The following PABPC4L variants were observed in gnomAD, a reference collection of about 807,000 sequenced individuals.
The protein encoded by PABPC4L is polyadenylate-binding protein 4-like.
For missense variants in PABPC4L, 452 were observed against 451.4 expected, an observed-to-expected ratio of 1.00 and a Z score of -0.01; for synonymous variants, 169 against 164.1, an observed-to-expected ratio of 1.03 and a Z score of -0.23.
chr4:134,085,406 G>A, the PABPC4L span, among the ~76,000 whole-genome samples: 2 of 151,892 alleles, frequency 1.3e-5, no homozygotes, highest in Non-Finnish European at 2.9e-5. Flanking sequence ...TATACATTCT[G>A]TATTATAAAT....
the PABPC4L span, among the ~76,000 whole-genome samples, chr4:134,067,669 T>G: frequency 6.6e-6 from 1 of 152,164 alleles, no homozygotes; most frequent in Admixed American, 6.5e-5. Flanking sequence ...CATTAAGTGC[T>G]ACAAATTTCC....
the PABPC4L span, among the ~76,000 whole-genome samples, chr4:134,090,460 C>A: frequency 6.6e-6 from 1 of 151,910 alleles, no homozygotes; most frequent in Admixed American, 6.6e-5. Context: ...AGTCTCAGCA[C>A]TATTCATTAA....
At chr4:134,014,210 C>G in the PABPC4L span, among the ~76,000 whole-genome samples, 1 of 152,054 alleles carries the variant, frequency 6.6e-6, no homozygotes, top group Non-Finnish European at 1.5e-5. Flanking sequence ...AATAAAACTC[C>G]AAAAATTAAA....
the PABPC4L span, among the ~76,000 whole-genome samples, chr4:134,061,023 G>A: frequency 6.6e-6 from 1 of 151,954 alleles, no homozygotes; most frequent in Admixed American, 6.6e-5. Flanking sequence ...GCAAAAGAGG[G>A]TGACTATAGT....
the PABPC4L span, among the ~76,000 whole-genome samples, chr4:134,149,413 T>G: frequency 1.3e-5 from 2 of 152,172 alleles, no homozygotes; most frequent in African/African-American, 2.4e-5. Context: ...GTCTAGCACA[T>G]TGATTTATTC....
At chr4:134,097,086 C>A in the PABPC4L span, among the ~76,000 whole-genome samples, 2 of 151,962 alleles carry the variant, frequency 1.3e-5, no homozygotes, top group Middle Eastern at 3.4e-3. Context: ...GGAGAAAATG[C>A]TCATCAGAAT....
At chr4:134,175,006 T>C in the PABPC4L span, among the ~76,000 whole-genome samples, 3 of 152,156 alleles carry the variant, frequency 2.0e-5, no homozygotes, top group Non-Finnish European at 4.4e-5. Context: ...TATGGCCATG[T>C]GTTTAATACT....
chr4:134,039,058 T>C, the PABPC4L span, among the ~76,000 whole-genome samples: 1 of 152,176 alleles, frequency 6.6e-6, no homozygotes, highest in African/African-American at 2.4e-5. Context: ...ATATCTTTAT[T>C]TCTGCCTTCA....
At chr4:133,988,903 A>C in the PABPC4L span, among the ~76,000 whole-genome samples, 1 of 152,060 alleles carries the variant, frequency 6.6e-6, no homozygotes, top group Admixed American at 6.6e-5. Context: ...AGGTTCCCAA[A>C]CCTAAATTCT....
At chr4:133,972,249 G>A in the PABPC4L span, among the ~76,000 whole-genome samples, 1 of 152,164 alleles carries the variant, frequency 6.6e-6, no homozygotes, top group African/African-American at 2.4e-5. Flanking sequence ...TTTCATTTTG[G>A]TTAGGGGTGA....
chr4:134,173,050 C>T, the PABPC4L span, among the ~76,000 whole-genome samples: 1 of 146,770 alleles, frequency 6.8e-6, no homozygotes, highest in African/African-American at 2.5e-5. Context: ...ATCAAAAAGA[C>T]AGGCAATAAC....
At chr4:134,187,201 C>G in the PABPC4L span, among the ~76,000 whole-genome samples, 1 of 151,940 alleles carries the variant, frequency 6.6e-6, no homozygotes, top group African/African-American at 2.4e-5. Context: ...GGACATATAA[C>G]CAAAGGATTA....
At chr4:133,954,660 T>C in the PABPC4L span, among the ~76,000 whole-genome samples, 1 of 152,142 alleles carries the variant, frequency 6.6e-6, no homozygotes, top group Non-Finnish European at 1.5e-5. Context: ...TTTTGGTTAG[T>C]CTCTGTGTTT....
the PABPC4L span, among the ~76,000 whole-genome samples, chr4:134,057,206 T>C: frequency 6.6e-6 from 1 of 152,086 alleles, no homozygotes; most frequent in Non-Finnish European, 1.5e-5. Flanking sequence ...ACACTAATGT[T>C]ATATCTTCTG....
the PABPC4L span, among the ~76,000 whole-genome samples, chr4:134,134,593 G>A: frequency 6.6e-6 from 1 of 151,160 alleles, no homozygotes; most frequent in African/African-American, 2.4e-5. Flanking sequence ...AAGTTTAAGT[G>A]AGCTGTAAAT....
chr4:134,077,518 A>T, the PABPC4L span, among the ~76,000 whole-genome samples: 2 of 152,186 alleles, frequency 1.3e-5, no homozygotes, highest in African/African-American at 4.8e-5. Context: ...GTGGGTTAAC[A>T]TCATTGGGTG....
chr4:134,023,207 C>T, the PABPC4L span, among the ~76,000 whole-genome samples: 1 of 152,114 alleles, frequency 6.6e-6, no homozygotes, highest in East Asian at 1.9e-4. Context: ...TGTGCACAGT[C>T]ATCTGACACT....
chr4:134,071,799 T>C, the PABPC4L span, among the ~76,000 whole-genome samples: 1 of 152,192 alleles, frequency 6.6e-6, no homozygotes, highest in Non-Finnish European at 1.5e-5. Context: ...AAAAATCTTG[T>C]AGAAATTCTA....
the PABPC4L span, among the ~76,000 whole-genome samples, chr4:134,023,002 C>CT: frequency 0.36 from 54,098 of 151,678 alleles, 11,861 homozygotes; most frequent in East Asian, 0.92. Flanking sequence ...GGGGAAAAGA[C>CT]TTTCAGCTCC....
Sources: allele counts gnomAD v4.1 joint callset (sites outside exome capture counted in the v4.1 genomes callset), GRCh38; gene constraint gnomAD v4.1.1; transcripts MANE v1.5; gene names NCBI Gene and HGNC (gene_info 2026-07-23, HGNC 2026-07-21).